The following TRDN variants were observed in gnomAD, a reference collection of about 807,000 sequenced individuals.
The protein encoded by TRDN is triadin.
In TRDN, 161 loss-of-function variants were observed where a neutral mutation model predicts 149.7. That is an observed-to-expected ratio of 1.08 (90% CI 0.95 to 1.23). The LOEUF is 1.23. TRDN is among the 50% of genes most tolerant of loss of function. The pLI, the probability that TRDN is intolerant of heterozygous loss-of-function variation, is 0.00. For missense variants in TRDN, 896 were observed against 823.5 expected (o/e 1.09, Z -1.08); for synonymous variants, 294 against 250.5 (o/e 1.17, Z -1.64).
chr6:123,529,506 C>T (rs1238217988), intron 5 of TRDN: 3 of 729,248 alleles, frequency 4.1e-6, no homozygotes, highest in South Asian at 1.6e-5. Context: ...AAAGAAAGCA[C>T]ATGAAGTATA....
intron 1 of TRDN, among the ~76,000 whole-genome samples, chr6:123,600,343 A>G (rs1479759785): frequency 6.6e-6 from 1 of 152,034 alleles, no homozygotes; most frequent in East Asian, 1.9e-4. Flanking sequence ...CTGCATGTAG[A>G]ACACCATTGA....
intron 4 of TRDN, among the ~76,000 whole-genome samples, chr6:123,533,080 A>T (rs1052579449): frequency 3.3e-5 from 5 of 152,144 alleles, no homozygotes; most frequent in Admixed American, 2.0e-4. Context: ...TGGTCTTTGG[A>T]CGTACTAAGG....
intron 3 of TRDN, among the ~76,000 whole-genome samples, chr6:123,548,208 A>G (rs540547236): frequency 2.0e-5 from 3 of 152,168 alleles, no homozygotes; most frequent in Non-Finnish European, 4.4e-5. Context: ...CTGTAATGCT[A>G]CATTAATATT....
chr6:123,319,770 T>G (rs2114705400), intron 23 of TRDN, among the ~76,000 whole-genome samples: 1 of 152,204 alleles, frequency 6.6e-6, no homozygotes. Context: ...AAAGTCCCCA[T>G]GCTAAGTTGT....
intron 9 of TRDN, chr6:123,471,591 C>A (rs1309331990): frequency 6.6e-6 from 1 of 152,206 alleles, no homozygotes; most frequent in Admixed American, 6.5e-5. Flanking sequence ...AGGACATCCT[C>A]CAGGCCAAAA....
chr6:123,254,976 A>T (rs757533704), intron 37 of TRDN, 105 bp downstream of exon 37: 9 of 699,672 alleles, frequency 1.3e-5, no homozygotes, highest in Non-Finnish European at 2.2e-5. Context: ...AGAAGTTTGC[A>T]TCTTCTAGAT....
intron 9 of TRDN, chr6:123,488,893 G>C (rs527963138): frequency 1.3e-4 from 20 of 151,986 alleles, no homozygotes; most frequent in African/African-American, 4.1e-4. Context: ...AACCACTTAA[G>C]CTCTTTGTGT....
At chr6:123,281,016 A>C (rs981495535) in intron 24 of TRDN, among the ~76,000 whole-genome samples, 41 of 152,254 alleles carry the variant, frequency 2.7e-4, no homozygotes, top group Non-Finnish European at 3.5e-4. Context: ...TGAATGTAGA[A>C]AAATATATAA....
intron 21 of TRDN, among the ~76,000 whole-genome samples, chr6:123,340,742 G>A (rs1371438360): frequency 6.6e-6 from 1 of 151,752 alleles, no homozygotes; most frequent in African/African-American, 2.4e-5. Flanking sequence ...TTCTTCTGAT[G>A]GAAAGAATAA....
Position 123,464,975 on chromosome 6 carries a change from G to C in TRDN, c.862C>G (p.Pro288Ala). ...GTCGGTAAGGGAGGTGGAATGGCTG[G>C]GCTTTGTCCTACACAATGTAGAAGT... ...VHGDLKPGQS[P>A]AIPPPLPTEQ... Residue 288 changes from proline to alanine, a missense_variant, in exon 10 of 41, where the codon CCA (proline) becomes GCA (alanine). Coordinates refer to ENST00000334268, the MANE Select transcript of TRDN (RefSeq NM_006073.4). 1.3e-6 allele frequency: 2 copies of C among 1,593,924 alleles called. No homozygotes were observed. Among genetic ancestry groups the C allele is most frequent in the South Asian group, 2.3e-5 (2 of 87,494 alleles).
At chr6:123,428,388 A>C (rs529758368) in intron 12 of TRDN, among the ~76,000 whole-genome samples, 2 of 152,264 alleles carry the variant, frequency 1.3e-5, no homozygotes, top group African/African-American at 4.8e-5. Flanking sequence ...ACAAGAGAGG[A>C]TATAGGGCAG....
At chr6:123,336,729 C>T (rs561556987) in intron 22 of TRDN, among the ~76,000 whole-genome samples, 1 of 151,558 alleles carries the variant, frequency 6.6e-6, no homozygotes, top group Admixed American at 6.6e-5. Context: ...TAGCACTGAT[C>T]AGTCCACACA....
At chr6:123,337,316 C>A (rs1297119512) in intron 22 of TRDN, among the ~76,000 whole-genome samples, 1 of 151,946 alleles carries the variant, frequency 6.6e-6, no homozygotes, top group African/African-American at 2.4e-5. Context: ...GGGACAAGTG[C>A]TTCTTAATAT....
chr6:123,471,108 G>GGTCAAT (rs1777126370), intron 9 of TRDN: 1 of 152,142 alleles, frequency 6.6e-6, no homozygotes, highest in African/African-American at 2.4e-5. Flanking sequence ...TTAAATGTAT[G>GGTCAAT]GTCAATGAAA....
intron 8 of TRDN, chr6:123,503,057 A>C (rs1778767460): frequency 1.0e-6 from 1 of 985,290 alleles, no homozygotes; most frequent in Non-Finnish European, 1.2e-6. Flanking sequence ...GAAGTGATAT[A>C]TTTTTGCAAA....
Position 123,629,701 on chromosome 6 carries a change from C to G in TRDN, c.22+7053G>C, listed in dbSNP as rs1242572327. ...ATAGAGTCTGCAGTTTATGAGGAAA[C>G]AGCTCATTTACATACCAAAGAATCT... On this transcript the variant is annotated intron_variant, in intron 1 of 40. Transcript: ENST00000334268. 2.0e-5 allele frequency among the ~76,000 whole-genome samples: 3 copies of G among 152,148 alleles called. No individual in the cohort carries two copies. The East Asian group carries it at 5.8e-4, about 29-fold the overall frequency.
At chr6:123,619,515 G>A (rs1785273168) in intron 1 of TRDN, among the ~76,000 whole-genome samples, 1 of 152,128 alleles carries the variant, frequency 6.6e-6, no homozygotes, top group African/African-American at 2.4e-5. Flanking sequence ...GATATGTCTG[G>A]TATTTTTATG....
At chr6:123,506,715 CT>C (rs1405506657) in intron 7 of TRDN, among the ~76,000 whole-genome samples, 1 of 152,028 alleles carries the variant, frequency 6.6e-6, no homozygotes, top group Non-Finnish European at 1.5e-5. Flanking sequence ...TCTTGAACTC[CT>C]GACCTCAGGC....
At chr6:123,420,731 G>A (rs1198396001) in intron 12 of TRDN, among the ~76,000 whole-genome samples, 1 of 152,054 alleles carries the variant, frequency 6.6e-6, no homozygotes, top group African/African-American at 2.4e-5. Flanking sequence ...CTTCATACTG[G>A]CATTATACTA....
Sources: allele counts gnomAD v4.1 joint callset (sites outside exome capture counted in the v4.1 genomes callset), GRCh38; gene constraint gnomAD v4.1.1; transcripts MANE v1.5; gene names NCBI Gene and HGNC (gene_info 2026-07-23, HGNC 2026-07-21).